CCDC171: variants seen among roughly 807,000 people sequenced by gnomAD.
CCDC171 encodes coiled-coil domain-containing protein 171.
Under a neutral mutation model 168.2 loss-of-function variants are expected in CCDC171, and 177 were observed. That is an observed-to-expected ratio of 1.05 (90% confidence interval 0.93 to 1.19). The LOEUF (loss-of-function observed/expected upper bound fraction) is 1.19. Ranked by LOEUF, CCDC171 falls within the 50% of genes most tolerant of loss-of-function variation. The pLI, the probability that CCDC171 is intolerant of heterozygous loss-of-function variation, is 0.00. For missense variants in CCDC171, 1,991 were observed against 1,539.0 expected, an observed-to-expected ratio of 1.29 and a Z score of -4.91; for synonymous variants, 687 against 540.8, an observed-to-expected ratio of 1.27 and a Z score of -3.75.
At chr9:15,657,569 T>A (rs1312601762) in intron 8 of CCDC171, among the ~76,000 whole-genome samples, 1 of 152,174 alleles carries the variant, frequency 6.6e-6, no homozygotes, top group Non-Finnish European at 1.5e-5. Context: ...GGCTGTGGGA[T>A]GGATTTCTTT....
chr9:15,598,256 G>T (rs2042540185), intron 6 of CCDC171, among the ~76,000 whole-genome samples: 1 of 151,938 alleles, frequency 6.6e-6, no homozygotes, highest in Admixed American at 6.6e-5. Context: ...GTCAATTTTA[G>T]ATCTTTCCTG....
intron 6 of CCDC171, among the ~76,000 whole-genome samples, chr9:15,620,938 T>TG (rs2044453955): frequency 7.7e-6 from 1 of 129,894 alleles, no homozygotes; most frequent in African/African-American, 2.5e-5. Flanking sequence ...TGGTTAGCAT[T>TG]TTTTTTTTTA....
At chr9:15,964,696 T>G (rs974295580) in intron 25 of CCDC171, among the ~76,000 whole-genome samples, 2 of 152,232 alleles carry the variant, frequency 1.3e-5, no homozygotes, top group Non-Finnish European at 2.9e-5. Context: ...ACATATTGTC[T>G]TGTCAGGCAC....
chr9:15,650,348 T>G (rs2047413417), intron 7 of CCDC171, among the ~76,000 whole-genome samples: 1 of 152,028 alleles, frequency 6.6e-6, no homozygotes, highest in African/African-American at 2.4e-5. Flanking sequence ...TGTATACATA[T>G]GTAACAAACC....
At chr9:15,700,015 C>T (rs1025914337) in intron 11 of CCDC171, among the ~76,000 whole-genome samples, 1 of 152,248 alleles carries the variant, frequency 6.6e-6, no homozygotes, top group Non-Finnish European at 1.5e-5. Context: ...GCAGGTGGAG[C>T]TGCCTGCCAG....
At chr9:16,069,185 A>G in the CCDC171 span, among the ~76,000 whole-genome samples, 1 of 152,224 alleles carries the variant, frequency 6.6e-6, no homozygotes, top group Non-Finnish European at 1.5e-5. Flanking sequence ...TAAAATCATA[A>G]GAAAAGACTA....
At chr9:15,577,183 T>TTA (rs1478063770) in intron 3 of CCDC171, among the ~76,000 whole-genome samples, 25 of 152,230 alleles carry the variant, frequency 1.6e-4, no homozygotes, top group Non-Finnish European at 2.9e-4. Context: ...GTTCATAACC[T>TTA]TATCTGCCCT....
At chr9:15,715,769 T>C (rs1426237766) in intron 11 of CCDC171, among the ~76,000 whole-genome samples, 2 of 150,506 alleles carry the variant, frequency 1.3e-5, no homozygotes, top group Non-Finnish European at 2.9e-5. Flanking sequence ...AAAGTTACTG[T>C]TTTTTTCTGT....
chr9:15,788,850 GC>G (rs1311187506), intron 21 of CCDC171, among the ~76,000 whole-genome samples: 1 of 152,078 alleles, frequency 6.6e-6, no homozygotes, highest in African/African-American at 2.4e-5. Flanking sequence ...ACTGTGTCCA[GC>G]CTAAATCATT....
chr9:16,095,454 C>G, the CCDC171 span, among the ~76,000 whole-genome samples: 1 of 152,094 alleles, frequency 6.6e-6, no homozygotes, highest in African/African-American at 2.4e-5. Context: ...GAAATCCACA[C>G]TTTCTTTCTC....
chr9:15,974,963 C>T (rs1283338157), downstream of CCDC171, among the ~76,000 whole-genome samples: 1 of 152,082 alleles, frequency 6.6e-6, no homozygotes, highest in Non-Finnish European at 1.5e-5. Flanking sequence ...GAGATGGGCT[C>T]TCACAACGTT....
chr9:16,050,505 A>T (rs2133070112), intron 1 of CCDC171, among the ~76,000 whole-genome samples: 1 of 152,310 alleles, frequency 6.6e-6, no homozygotes, highest in South Asian at 2.1e-4. Flanking sequence ...ATCATGTATG[A>T]CTTCTGCCCC....
the CCDC171 span, among the ~76,000 whole-genome samples, chr9:16,101,248 C>T: frequency 6.6e-6 from 1 of 152,140 alleles, no homozygotes; most frequent in Non-Finnish European, 1.5e-5. Context: ...ATACAGGGCA[C>T]CCAGTTAAAT....
chr9:15,578,460 G>T (rs1435859782), intron 3 of CCDC171, among the ~76,000 whole-genome samples: 2 of 148,228 alleles, frequency 1.3e-5, no homozygotes, highest in African/African-American at 4.9e-5. Flanking sequence ...TATTGAGACA[G>T]GGTCTGCCCA....
intron 21 of CCDC171, among the ~76,000 whole-genome samples, chr9:15,813,459 T>C (rs1588657307): frequency 6.6e-6 from 1 of 152,174 alleles, no homozygotes; most frequent in Non-Finnish European, 1.5e-5. Flanking sequence ...ATTTTGTTTG[T>C]TTTTTGGCTA....
chr9:16,019,701 T>C (rs1833111344), intron 3 of CCDC171, among the ~76,000 whole-genome samples: 1 of 152,230 alleles, frequency 6.6e-6, no homozygotes, highest in Non-Finnish European at 1.5e-5. Context: ...ATATTTACTT[T>C]CATTATCCCC....
intron 3 of CCDC171, among the ~76,000 whole-genome samples, chr9:15,994,737 C>T (rs530273325): frequency 1.3e-4 from 20 of 152,284 alleles, no homozygotes; most frequent in African/African-American, 4.6e-4. Context: ...TCATCTCAGT[C>T]ATCACTATTC....
chr9:15,672,126 C>T (rs949854378), intron 9 of CCDC171, among the ~76,000 whole-genome samples: 2 of 152,158 alleles, frequency 1.3e-5, no homozygotes, highest in East Asian at 1.9e-4. Context: ...TTTCATATGT[C>T]TGTTGGCTGC....
chr9:15,999,781 C>A (rs1305275166), intron 3 of CCDC171, among the ~76,000 whole-genome samples: 1 of 152,206 alleles, frequency 6.6e-6, no homozygotes, highest in Non-Finnish European at 1.5e-5. Context: ...CTGTCCTGGA[C>A]TGAGACATAG....
Sources: gnomAD v4.1 joint callset for allele counts (sites outside exome capture counted in the v4.1 genomes callset) on GRCh38, gnomAD v4.1.1 for gene constraint, MANE v1.5 for transcripts, NCBI Gene and HGNC (gene_info 2026-07-23, HGNC 2026-07-21) for gene names.